Variants in NDFIP2 observed in about 807,000 individuals in gnomAD.
NDFIP2 encodes Nedd4 family interacting protein 2, also known as NEDD4 family-interacting protein 2.
In NDFIP2, 19 loss-of-function variants were observed where a neutral mutation model predicts 36.0. The observed-to-expected ratio is 0.53, with a 90% CI of 0.37 to 0.77. The LOEUF (loss-of-function observed/expected upper bound fraction) is 0.77, where lower values mean the gene tolerates loss of function less well. Among genes scored for constraint, NDFIP2 ranks in the 30% least tolerant of loss-of-function variants. The pLI, the probability that NDFIP2 is intolerant of heterozygous loss-of-function variation, is 0.00. For synonymous variants in NDFIP2, 181 were observed against 167.7 expected (o/e 1.08, Z -0.61); for missense variants, 446 against 435.8 (o/e 1.02, Z -0.21).
At chr13:79,522,748 ATGG>A (rs1189616831) in intron 2 of NDFIP2, among the ~76,000 whole-genome samples, 1 of 152,234 alleles carries the variant, frequency 6.6e-6, no homozygotes, top group Non-Finnish European at 1.5e-5. Context: ...TCCTCAGTAG[ATGG>A]TGGCTGGGTT....
intron 1 of NDFIP2, among the ~76,000 whole-genome samples, chr13:79,505,311 T>C (rs1053586301): frequency 6.6e-6 from 1 of 152,154 alleles, no homozygotes; most frequent in Non-Finnish European, 1.5e-5. Flanking sequence ...AATGTGGGTG[T>C]GTTATCCTTA....
intron 3 of NDFIP2, among the ~76,000 whole-genome samples, chr13:79,535,023 A>G (rs1202121112): frequency 1.3e-5 from 2 of 152,200 alleles, no homozygotes; most frequent in Non-Finnish European, 2.9e-5. Context: ...GTCTCTTAAC[A>G]CAGTGGCATA....
intron 1 of NDFIP2, among the ~76,000 whole-genome samples, chr13:79,512,208 A>G (rs774508806): frequency 6.6e-6 from 1 of 152,228 alleles, no homozygotes; most frequent in African/African-American, 2.4e-5. Context: ...AGTTACCATT[A>G]TCATTATATT....
intron 1 of NDFIP2, among the ~76,000 whole-genome samples, chr13:79,512,674 A>G (rs144709045): frequency 1.5e-4 from 23 of 152,320 alleles, no homozygotes; most frequent in African/African-American, 4.6e-4. Context: ...TTCTGGGCCA[A>G]TGAACCCTTT....
chr13:79,515,259 G>C (rs1166580721), intron 1 of NDFIP2, among the ~76,000 whole-genome samples: 1 of 149,606 alleles, frequency 6.7e-6, no homozygotes, highest in East Asian at 1.9e-4. Flanking sequence ...TCCCATCGTT[G>C]AACTAAACGT....
intron 1 of NDFIP2, among the ~76,000 whole-genome samples, chr13:79,489,332 A>G (rs1043250185): frequency 6.6e-6 from 1 of 152,158 alleles, no homozygotes; most frequent in East Asian, 1.9e-4. Context: ...TGCCCTCTTG[A>G]TGTGACCTTG....
At chr13:79,541,825 A>C (rs932796788) in intron 4 of NDFIP2, among the ~76,000 whole-genome samples, 1 of 151,980 alleles carries the variant, frequency 6.6e-6, no homozygotes, top group Non-Finnish European at 1.5e-5. Context: ...TTCAATTAAA[A>C]CCTTTTGGTG....
intron 1 of NDFIP2, among the ~76,000 whole-genome samples, chr13:79,501,584 G>A (rs555118833): frequency 2.6e-5 from 4 of 152,196 alleles, no homozygotes; most frequent in East Asian, 1.9e-4. Context: ...ATATGTGTTC[G>A]TCTTCGATAT....
chr13:79,516,035 T>C (rs746330151), intron 1 of NDFIP2, among the ~76,000 whole-genome samples: 12 of 151,956 alleles, frequency 7.9e-5, no homozygotes, highest in Middle Eastern at 3.2e-3. Context: ...ATATATAGAT[T>C]GACTATTTAA....
At chr13:79,548,191 G>C (rs1875763574) in intron 5 of NDFIP2, 137 bp from the exon 6 acceptor site, 1 of 693,242 alleles carries the variant, frequency 1.4e-6, no homozygotes, top group African/African-American at 1.8e-5. Flanking sequence ...ATGCCATTAA[G>C]TGTTTTTATT....
intron 1 of NDFIP2, among the ~76,000 whole-genome samples, chr13:79,516,638 C>CT (rs35323674): frequency 3.5e-4 from 53 of 152,072 alleles, no homozygotes; most frequent in Non-Finnish European, 5.1e-4. Flanking sequence ...TTTTAGATCA[C>CT]TTTTTTTTAC....
chr13:79,527,578 A>C (rs773762389), intron 2 of NDFIP2, among the ~76,000 whole-genome samples: 3 of 152,192 alleles, frequency 2.0e-5, no homozygotes, highest in Non-Finnish European at 4.4e-5. Context: ...GTAAGGTTGC[A>C]CTACTCGGTG....
chr13:79,509,690 T>TATAGAGAG (rs113326163), intron 1 of NDFIP2, among the ~76,000 whole-genome samples: 2,572 of 147,872 alleles, frequency 0.017, 29 homozygotes, highest in Middle Eastern at 0.045. Flanking sequence ...TATATATATA[T>TATAGAGAG]AGAGAGAGAG....
At position 79,481,177 on chromosome 13, in the gene NDFIP2, A is replaced by G; in HGVS notation, c.-27A>G. On this transcript the variant is annotated 5_prime_UTR_variant, in exon 1 of 8. Coordinates refer to ENST00000218652, the MANE Select transcript of NDFIP2 (RefSeq NM_019080.3). ...CTTACTTTTCCATCTCCTCCCACCC[A>G]GCTATACCCTCCCACTGGCGGCGCG... The G allele has an allele frequency of 6.7e-7, 1 of 1,483,996 alleles. No individual in the cohort carries two copies. Among genetic ancestry groups the G allele is most frequent in the Non-Finnish European group, 8.9e-7 (1 of 1,125,028 alleles). 91.9% of individuals were successfully genotyped at this position (1,483,996 alleles called of 1,614,324 possible). A position where few individuals can be genotyped will look rare whatever the true frequency, so the allele number is the denominator to read the frequency against.
chr13:79,531,360 GGCTTCAACTT>G (rs971708501), intron 2 of NDFIP2, among the ~76,000 whole-genome samples: 1 of 152,128 alleles, frequency 6.6e-6, no homozygotes, highest in African/African-American at 2.4e-5. Context: ...AATGAGCATT[GGCTTCAACTT>G]AAAGTTCCCA....
chr13:79,481,304 C>T lies in NDFIP2; in HGVS notation c.101C>T (p.Ala34Val), dbSNP rs1235711608. Residue 34 changes from alanine to valine, a missense_variant, in exon 1 of 8, where the codon GCG becomes GTG. Ala to Val is a moderately conservative substitution (Grantham distance 64). Coordinates refer to ENST00000218652, the MANE Select transcript of NDFIP2 (RefSeq NM_019080.3). ...CTTCTCCGCGGAACCGCGACCAACG[C>T]GGAGGTCTCGGCGGCCGCTGCGGGA... ...PELLRGTATN[A>V]EVSAAAAGAT... The T allele has an allele frequency of 6.5e-7, 1 of 1,541,540 alleles. No individual in the cohort carries two copies. The highest frequency in any genetic ancestry group is 8.7e-7 in the Non-Finnish European group (1 of 1,146,538).
chr13:79,518,440 T>C (rs1874434959), intron 1 of NDFIP2, among the ~76,000 whole-genome samples: 1 of 152,220 alleles, frequency 6.6e-6, no homozygotes, highest in Non-Finnish European at 1.5e-5. Flanking sequence ...AATGTTTTGC[T>C]AGTGTGATCA....
chr13:79,535,235 G>C (rs965497621), intron 3 of NDFIP2, among the ~76,000 whole-genome samples: 2 of 152,058 alleles, frequency 1.3e-5, no homozygotes, highest in Admixed American at 6.6e-5. Context: ...CTTTTCTCAG[G>C]GGGTGTTTGC....
chr13:79,486,051 A>C (rs1179086098), intron 1 of NDFIP2, among the ~76,000 whole-genome samples: 1 of 152,130 alleles, frequency 6.6e-6, no homozygotes, highest in Non-Finnish European at 1.5e-5. Context: ...AAAATACCAC[A>C]TGTACGTATT....
Sources: allele counts gnomAD v4.1 joint callset (sites outside exome capture counted in the v4.1 genomes callset), GRCh38; gene constraint gnomAD v4.1.1; transcripts MANE v1.5; gene names NCBI Gene and HGNC (gene_info 2026-07-23, HGNC 2026-07-21).